The following BRCA2 variants were observed in gnomAD, a reference collection of about 807,000 sequenced individuals.
The protein encoded by BRCA2 is breast cancer type 2 susceptibility protein.
Under a neutral mutation model 276.7 loss-of-function variants are expected in BRCA2, and 203 were observed. The ratio of observed to expected loss-of-function variants is 0.73; its 90% CI spans 0.65 to 0.82. BRCA2 has a LOEUF of 0.82. BRCA2 is among the 40% of genes least tolerant of loss of function. The probability of loss-of-function intolerance (pLI) is 0.00; values close to 1 mark genes in which losing one functional copy is unlikely to be tolerated. For synonymous variants in BRCA2, 1,289 were observed against 1,338.4 expected, an observed-to-expected ratio of 0.96 and a Z score of 0.81; for missense variants, 3,920 against 3,915.0, an observed-to-expected ratio of 1.00 and a Z score of -0.03.
At chr13:32,358,723 C>T (rs2137569684) in intron 16 of BRCA2, among the ~76,000 whole-genome samples, 1 of 151,674 alleles carries the variant, frequency 6.6e-6, no homozygotes. Flanking sequence ...ACCTGAGGGT[C>T]AGGAGTTCGA....
rs74729703 is a variant in BRCA2, at chr13:32,341,836, C to G, written c.6841+640C>G. Among the ~76,000 whole-genome samples the G allele has an allele frequency of 0.041, 6,172 of 151,066 alleles. 214 individuals carry two copies. The highest frequency in any genetic ancestry group is 0.11 in the South Asian group (543 of 4,764). The stretch of plus-strand genomic sequence containing the variant: ...TGAGCCGAGATCCCGCCACTGCACT[C>G]CAGCCTGGGCGACAGAGCGAGACTC... On this transcript the variant is annotated intron_variant, in intron 11 of 26. Transcript: ENST00000380152.
rs11571799 is a variant in BRCA2 at position 32,388,542 on chromosome 13, T to A, written c.9257-6147T>A. Among the ~76,000 whole-genome samples, 9,220 of 151,966 alleles carry A rather than the reference T, an allele frequency of 0.061. 455 individuals are homozygous for A. Among genetic ancestry groups the A allele is most frequent in the Admixed American group, 0.17 (2,532 of 15,246 alleles). ...ATGAGATATTCAACACTTTTTTTTT[T>A]AAAAACAGGCCTTGCGTTAGATGAT... On this transcript the variant is annotated intron_variant, in intron 24 of 26. Coordinates refer to ENST00000380152, the MANE Select transcript of BRCA2 (RefSeq NM_000059.4).
Position 32,389,727 on chromosome 13 carries a change from G to A in BRCA2, c.9257-4962G>A, listed in dbSNP as rs550775194. 8.5e-5 allele frequency among the ~76,000 whole-genome samples: 13 copies of A among 152,166 alleles called. No individual in the cohort carries two copies. The East Asian group carries it at 1.9e-3, about 23-fold the overall frequency. ...CATAACCCCATCATAAGTTGTCCTC[G>A]ACTGTGTTTCCAGATAAGGCTGCAT... On this transcript the variant is annotated intron_variant, in intron 24 of 26. Transcript: ENST00000380152.
At chr13:32,377,571 C>G (rs910031465) in intron 21 of BRCA2, among the ~76,000 whole-genome samples, 2 of 103,610 alleles carry the variant, frequency 1.9e-5, no homozygotes, top group African/African-American at 7.8e-5. Context: ...GCCTAGGCAA[C>G]AAGAGCAAAA....
In BRCA2 at chr13:32,333,182, A is replaced by C. The variant is rs1060504633; in HGVS notation, c.1704A>C (p.Thr568=). ...ATGGAAGCTGGCCAGCCACCACCAC[A>C]CAGAATTCTGTAGCTTTGAAGAATG... is the stretch of plus-strand genomic sequence containing the variant. ...IDNGSWPATT[T]QNSVALKNAG... Residue 568 remains threonine (T), a synonymous_variant, in exon 10 of 27, where the codon ACA becomes ACC. Coordinates refer to ENST00000380152, the MANE Select transcript of BRCA2 (RefSeq NM_000059.4). 1 of 1,613,846 alleles carries C rather than the reference A, an allele frequency of 6.2e-7. No homozygotes were observed. The highest frequency in any genetic ancestry group is 1.7e-5 in the Admixed American group (1 of 59,990).
At chr13:32,393,456 T>G (rs951505493) in intron 24 of BRCA2, among the ~76,000 whole-genome samples, 3 of 152,152 alleles carry the variant, frequency 2.0e-5, no homozygotes, top group Non-Finnish European at 4.4e-5. Flanking sequence ...CCTTCATTAT[T>G]TTATTGTTTA....
rs587776472 is a variant in BRCA2, at chr13:32,363,464, T to G, written c.8262T>G (p.His2754Gln). 3 of 1,614,036 alleles carry G rather than the reference T, an allele frequency of 1.9e-6. No homozygotes were observed. Among genetic ancestry groups the G allele is most frequent in the Non-Finnish European group, 2.5e-6 (3 of 1,180,016 alleles). The change falls in exon 18 of 27, where the codon CAT (histidine) becomes CAG (glutamine). Residue 2754 changes from histidine (H) to glutamine (Q), a missense_variant. This residue lies in a region of BRCA2 where 3,263 missense variants were observed against 3,156.9 expected (regional missense o/e 1.03). Transcript: ENST00000380152. ...CAGTTGGTCAGAAGATTATTCTTCA[T>G]GGAGCAGAACTGGTGGGCTCTCCTG... ...RLTVGQKIIL[H>Q]GAELVGSPDA... is the part of the protein sequence containing the mutation.
At position 32,371,064 on chromosome 13, in the gene BRCA2, T is replaced by C. The variant is rs1566249367; in HGVS notation, c.8596T>C (p.Phe2866Leu). The change falls in exon 20 of 27, where the codon TTC (phenylalanine) becomes CTC (leucine). Residue 2866 changes from phenylalanine to leucine, a missense_variant. Physicochemically the swap from Phe to Leu is conservative, Grantham distance 22. This residue lies in a region of BRCA2 where 657 missense variants were observed against 758.2 expected (regional missense o/e 0.87). Transcript: ENST00000380152. ...CCAACAAAAGAGACTAGAAGCCTTA[T>C]TCACTAAAATTCAGGAGGAATTTGA... ...EAQQKRLEAL[F>L]TKIQEEFEEH... 6.2e-7 allele frequency: 1 copy of C among 1,614,128 alleles called. No individual in the cohort carries two copies. Among genetic ancestry groups the C allele is most frequent in the Non-Finnish European group, 8.5e-7 (1 of 1,179,972 alleles).
chr13:32,322,383 C>T (rs1480767915), intron 3 of BRCA2, among the ~76,000 whole-genome samples: 1 of 152,192 alleles, frequency 6.6e-6, no homozygotes, highest in Non-Finnish European at 1.5e-5. Context: ...TCAGGGGTCT[C>T]ACAGCCTTTT....
chr13:32,357,973 C>G (rs775843026), intron 16 of BRCA2, 44 bp downstream of exon 16: 1 of 1,582,960 alleles, frequency 6.3e-7, no homozygotes, highest in Non-Finnish European at 8.7e-7. Context: ...TATGTATTCC[C>G]TCATCCCTCT....
Position 32,395,625 on chromosome 13 carries a change from A to G in BRCA2, c.9501+692A>G, listed in dbSNP as rs371576308. 2.0e-5 allele frequency among the ~76,000 whole-genome samples: 3 copies of G among 152,318 alleles called. No individual in the cohort carries two copies. The South Asian group carries it at 6.2e-4, about 32-fold the overall frequency. On this transcript the variant is annotated intron_variant, in intron 25 of 26. Coordinates refer to ENST00000380152, the MANE Select transcript of BRCA2 (RefSeq NM_000059.4). ...TTAGGCCATCGAATGCAGAACCCAG[A>G]CTAGGAACTGCTATGCAATGCTGCT...
In BRCA2 at chr13:32,337,445, C is replaced by G. The variant is rs756152752; in HGVS notation, c.3090C>G (p.Phe1030Leu). 3.1e-6 allele frequency: 5 copies of G among 1,612,824 alleles called. No homozygotes were observed. Among genetic ancestry groups the G allele is most frequent in the South Asian group, 2.2e-5 (2 of 90,834 alleles). ...ATAACATTAAGAAGAGCAAAATGTTCTTCAAAGATATTGAAGAACAATATC... is the reference window on the plus strand; with the variant it reads ...ATAACATTAAGAAGAGCAAAATGTTGTTCAAAGATATTGAAGAACAATATC... Reference protein sequence around the residue: ...SEHNIKKSKMFFKDIEEQYPT... With the variant: ...SEHNIKKSKMLFKDIEEQYPT... The change falls in exon 11 of 27, where the codon TTC becomes TTG. Residue 1030 changes from phenylalanine to leucine, a missense_variant. Coordinates refer to ENST00000380152, the MANE Select transcript of BRCA2 (RefSeq NM_000059.4).
At position 32,337,168 on chromosome 13, in the gene BRCA2, C is replaced by T. The variant is rs55773834; in HGVS notation, c.2813C>T (p.Ala938Val). 1 of 1,613,694 alleles carries T rather than the reference C, an allele frequency of 6.2e-7. No homozygotes were observed. Among genetic ancestry groups the T allele is most frequent in the East Asian group, 2.2e-5 (1 of 44,826 alleles). The change falls in exon 11 of 27, where the codon GCA (alanine) becomes GTA (valine). Residue 938 changes from alanine to valine, a missense_variant. Transcript: ENST00000380152. ...TATGGAGACACAGGTGATAAACAAG[C>T]AACCCAAGTGTCAATTAAAAAAGAT... is the stretch of plus-strand genomic sequence containing the variant. Reference protein sequence around the residue: ...VLYGDTGDKQATQVSIKKDLV... With the variant: ...VLYGDTGDKQVTQVSIKKDLV...
chr13:32,379,633 T>A, intron 22 of BRCA2, 117 bp from the exon 23 acceptor site: 1 of 1,504,724 alleles, frequency 6.6e-7, no homozygotes, highest in Non-Finnish European at 9.1e-7. Context: ...AGAAGCAAAA[T>A]CCACTACTAA....
chr13:32,361,301 G>A (rs575369082), intron 16 of BRCA2, among the ~76,000 whole-genome samples: 76 of 152,262 alleles, frequency 5.0e-4, no homozygotes, highest in African/African-American at 1.8e-3. Flanking sequence ...GAGATTGGCC[G>A]CTGGATTTAG....
Position 32,339,777 on chromosome 13 carries a change from A to G in BRCA2, c.5422A>G (p.Ile1808Val), listed in dbSNP as rs2137517397. The G allele has an allele frequency of 6.2e-7, 1 of 1,613,936 alleles. No individual in the cohort carries two copies. The highest frequency in any genetic ancestry group is 1.1e-5 in the South Asian group (1 of 91,070). ...ATACCCACAAACTGTAAATGAAGAT[A>G]TTTGCGTTGAGGAACTTGTGACTAG... The part of the protein sequence containing the change: ...NAYPQTVNED[I>V]CVEELVTSSS... Residue 1808 changes from isoleucine (I) to valine (V), a missense_variant, in exon 11 of 27, where the codon ATT (isoleucine) becomes GTT (valine). By Grantham distance (29) the Ile-to-Val change is conservative. Transcript: ENST00000380152.
intron 18 of BRCA2, among the ~76,000 whole-genome samples, chr13:32,365,877 G>GT (rs11571729): frequency 1.8e-3 from 268 of 150,610 alleles, no homozygotes; most frequent in African/African-American, 5.8e-3. Context: ...TTTTTCTCTA[G>GT]TTTTTTCTGG....
chr13:32,376,830 T>C (rs748503722), intron 21 of BRCA2, 39 bp downstream of exon 21: 1 of 1,611,166 alleles, frequency 6.2e-7, no homozygotes, highest in East Asian at 2.2e-5. Flanking sequence ...GCTTGATGAT[T>C]ATTCAAGGTG....
intron 13 of BRCA2, among the ~76,000 whole-genome samples, chr13:32,353,576 G>T (rs955534414): frequency 6.6e-6 from 1 of 152,124 alleles, no homozygotes; most frequent in Non-Finnish European, 1.5e-5. Flanking sequence ...AGGCACACTT[G>T]TGTCTAGGCC....
Sources: allele counts gnomAD v4.1 joint callset (sites outside exome capture counted in the v4.1 genomes callset), GRCh38; gene constraint gnomAD v4.1.1; regional missense constraint gnomAD v4.1.1; transcripts MANE v1.5; gene names NCBI Gene and HGNC (gene_info 2026-07-23, HGNC 2026-07-21).